TNRC6C: variants seen among roughly 807,000 people sequenced by gnomAD.
TNRC6C encodes trinucleotide repeat containing adaptor 6C.
In TNRC6C, 20 loss-of-function variants were observed where a neutral mutation model predicts 153.7. That is an observed-to-expected ratio of 0.13 (90% CI 0.09 to 0.19). The LOEUF is 0.19. TNRC6C is among the 10% of genes least tolerant of loss of function. TNRC6C has a pLI of 1.00. For synonymous variants in TNRC6C, 811 were observed against 841.4 expected (o/e 0.96, Z 0.63); for missense variants, 1,987 against 2,172.0 (o/e 0.91, Z 1.69).
intron 17 of TNRC6C, among the ~76,000 whole-genome samples, chr17:78,099,194 A>G (rs1045869860): frequency 1.3e-5 from 2 of 152,212 alleles, no homozygotes; most frequent in Non-Finnish European, 2.9e-5. Context: ...TGTGATCCCA[A>G]CTGCTGGGGA....
chr17:78,096,533 T>C (rs1263513326), intron 16 of TNRC6C, among the ~76,000 whole-genome samples: 1 of 152,272 alleles, frequency 6.6e-6, no homozygotes, highest in African/African-American at 2.4e-5. Context: ...TGCAAACAGC[T>C]GTGCAGGTTG....
intron 10 of TNRC6C, among the ~76,000 whole-genome samples, chr17:78,080,441 CCTT>C (rs761495518): frequency 1.3e-5 from 2 of 152,004 alleles, no homozygotes; most frequent in African/African-American, 2.4e-5. Context: ...AGCGGAAACT[CCTT>C]CTGAAAAAAA....
intron 1 of TNRC6C, among the ~76,000 whole-genome samples, chr17:77,974,273 A>G (rs2070967824): frequency 6.6e-6 from 1 of 152,180 alleles, no homozygotes; most frequent in African/African-American, 2.4e-5. Context: ...ACCAAAAAAG[A>G]TATACAAATA....
At chr17:78,086,804 T>C in intron 12 of TNRC6C, 49 bp from the exon 15 acceptor site, 1 of 1,599,250 alleles carries the variant, frequency 6.3e-7, no homozygotes, top group Non-Finnish European at 8.5e-7. Context: ...AGACAAGCCA[T>C]GAGTGTCCCT....
At position 78,049,323 on chromosome 17, in the gene TNRC6C, G is replaced by C. The variant is rs753093808; in HGVS notation, c.261G>C (p.Trp87Cys). The C allele has an allele frequency of 6.2e-7, 1 of 1,613,948 alleles. No individual in the cohort carries two copies. The highest frequency in any genetic ancestry group is 1.3e-5 in the African/African-American group (1 of 75,030). ...GAGATGGGAGAAGTCAGAATTGCTG[G>C]GGTGCTTCCAACTCCAATGCTGGCA... Residue 87 changes from tryptophan to cysteine, a missense_variant, in exon 3 of 20, where the codon TGG (tryptophan) becomes TGC (cysteine). Coordinates refer to ENST00000301624, the Ensembl canonical transcript of TNRC6C. The surrounding 1 kb of genome is among the most constrained non-coding windows in gnomAD (Gnocchi z 4.1).
At chr17:78,105,445 A>C (rs1043571894) in exon 20 of TNRC6C, 2 of 152,194 alleles carry the variant, frequency 1.3e-5, no homozygotes, top group African/African-American at 4.8e-5. Context: ...TTATCCCAAA[A>C]AATATTTTTT....
intron 9 of TNRC6C, among the ~76,000 whole-genome samples, chr17:78,078,308 G>C (rs2073119551): frequency 6.6e-6 from 1 of 152,198 alleles, no homozygotes. Flanking sequence ...TCAGGCGGCT[G>C]TTCCCAAGTG....
rs551994525 is a variant in TNRC6C at position 77,976,891 on chromosome 17, T to G, written c.-38+17623T>G. Reference sequence around the variant, plus strand: ...TTGCAGTGAGCCAAGATTGCACCATTGCACTCCAGCTCAGGCGACAAGAGC... The same window carrying G: ...TTGCAGTGAGCCAAGATTGCACCATGGCACTCCAGCTCAGGCGACAAGAGC... On this transcript the variant is annotated intron_variant, in intron 1 of 22. Transcript: ENST00000636222. Among the ~76,000 whole-genome samples, 8 of 126,518 alleles carry G rather than the reference T, an allele frequency of 6.3e-5. No homozygotes were observed. In the South Asian group the frequency reaches 2.0e-3, roughly 31 times the overall value. The allele number at this position is 126,518 out of a possible 152,430, so 83.0% of individuals were successfully genotyped here.
chr17:77,958,624 C>T (rs1379552887), upstream of TNRC6C, among the ~76,000 whole-genome samples: 3 of 151,922 alleles, frequency 2.0e-5, no homozygotes, highest in Admixed American at 6.5e-5. Flanking sequence ...GGACGACTTC[C>T]TGTTGGAGGC....
intron 17 of TNRC6C, among the ~76,000 whole-genome samples, chr17:78,102,115 C>A (rs2144660060): frequency 6.6e-6 from 1 of 152,330 alleles, no homozygotes; most frequent in East Asian, 1.9e-4. Context: ...AACCTGGGAG[C>A]ACTGATTCCA....
chr17:78,028,980 T>C (rs1375712886), intron 1 of TNRC6C, among the ~76,000 whole-genome samples: 1 of 152,238 alleles, frequency 6.6e-6, no homozygotes, highest in Non-Finnish European at 1.5e-5. Flanking sequence ...CTGTTTGCAT[T>C]CGGCATGCTA....
At chr17:77,996,994 T>G (rs1027973495) in intron 1 of TNRC6C, among the ~76,000 whole-genome samples, 2 of 152,136 alleles carry the variant, frequency 1.3e-5, no homozygotes, top group African/African-American at 4.8e-5. Context: ...AAGCATTACT[T>G]GTTCTGTGAT....
intron 3 of TNRC6C, 80 bp from the exon 6 acceptor site, chr17:78,064,642 G>T: frequency 7.3e-7 from 1 of 1,361,200 alleles, no homozygotes. Context: ...AAATTATTTT[G>T]AAATTGAAAA....
At chr17:77,984,918 CT>C (rs2071139918) in intron 1 of TNRC6C, among the ~76,000 whole-genome samples, 1 of 152,174 alleles carries the variant, frequency 6.6e-6, no homozygotes, top group Non-Finnish European at 1.5e-5. Flanking sequence ...CCATAAGGAA[CT>C]ATTTTTACCC....
chr17:78,098,278 A>G (rs2073524585), intron 16 of TNRC6C, 65 bp from the exon 20 acceptor site: 1 of 1,459,684 alleles, frequency 6.9e-7, no homozygotes. Context: ...TGGCTCCCCA[A>G]ACACAGCAGT....
At chr17:77,993,439 T>A (rs778763228) in intron 1 of TNRC6C, among the ~76,000 whole-genome samples, 1 of 152,188 alleles carries the variant, frequency 6.6e-6, no homozygotes, top group Non-Finnish European at 1.5e-5. Flanking sequence ...TGATGTAAGA[T>A]AGTAATTTCC....
At position 78,048,739 on chromosome 17, in the gene TNRC6C, G is replaced by C. The variant is rs995121271; in HGVS notation, c.-218-106G>C. The C allele has an allele frequency of 9.1e-6, 10 of 1,101,386 alleles. No homozygotes were observed. The African/African-American group carries it at 1.6e-4, about 18-fold the overall frequency. 68.2% of individuals were successfully genotyped at this position (1,101,386 alleles called of 1,614,324 possible). ...TCATTTTTTTAGTGTTTGTCATTCAGATTTGAAGACTTGAAATAAAGAGCT... is the reference window on the plus strand; with the variant it reads ...TCATTTTTTTAGTGTTTGTCATTCACATTTGAAGACTTGAAATAAAGAGCT... On this transcript the variant is annotated intron_variant, in intron 2 of 19. Coordinates refer to ENST00000301624, the Ensembl canonical transcript of TNRC6C.
intron 3 of TNRC6C, among the ~76,000 whole-genome samples, chr17:78,057,468 C>T (rs1424799264): frequency 1.3e-5 from 2 of 152,236 alleles, no homozygotes; most frequent in South Asian, 2.1e-4. Flanking sequence ...GCATTACCCC[C>T]GGTGGCAGCC....
intron 1 of TNRC6C, among the ~76,000 whole-genome samples, chr17:77,975,699 G>A (rs2070988463): frequency 1.3e-5 from 2 of 152,244 alleles, no homozygotes; most frequent in South Asian, 4.1e-4. Flanking sequence ...TTCAACAACA[G>A]AAGTGGAAAC....
Sources: allele counts gnomAD v4.1 joint callset (sites outside exome capture counted in the v4.1 genomes callset), GRCh38; gene constraint gnomAD v4.1.1; non-coding constraint Gnocchi (gnomAD v3.1); transcripts MANE v1.5; gene names NCBI Gene and HGNC (gene_info 2026-07-23, HGNC 2026-07-21).